Variants in GPC6 observed in about 807,000 individuals in gnomAD.
GPC6 encodes the protein glypican-6.
In GPC6, 14 loss-of-function variants were observed where a neutral mutation model predicts 55.2. The observed-to-expected ratio is 0.25, with a 90% confidence interval of 0.17 to 0.40. The LOEUF (loss-of-function observed/expected upper bound fraction) is 0.40, where lower values mean the gene tolerates loss of function less well. GPC6 is among the 10% of genes least tolerant of loss of function. The pLI is 1.00. For synonymous variants in GPC6, 278 were observed against 259.6 expected (o/e 1.07, Z -0.68); for missense variants, 641 against 708.5 (o/e 0.90, Z 1.08).
chr13:93,970,307 C>T (rs1007508611), intron 3 of GPC6, among the ~76,000 whole-genome samples: 12 of 152,024 alleles, frequency 7.9e-5, no homozygotes, highest in African/African-American at 2.7e-4. Flanking sequence ...TATGCATAGA[C>T]AAACAAAACC....
intron 1 of GPC6, among the ~76,000 whole-genome samples, chr13:93,390,010 G>A (rs932645068): frequency 3.3e-5 from 5 of 150,768 alleles, no homozygotes; most frequent in Non-Finnish European, 5.9e-5. Context: ...TAACATTATG[G>A]AAAGAGAGAC....
chr13:94,318,733 G>A (rs930858347), intron 6 of GPC6, among the ~76,000 whole-genome samples: 5 of 152,024 alleles, frequency 3.3e-5, no homozygotes, highest in African/African-American at 1.2e-4. Context: ...AATATTAAAT[G>A]GAAAATTCTA....
chr13:93,448,657 C>T (rs375536910), intron 1 of GPC6, among the ~76,000 whole-genome samples: 39 of 152,264 alleles, frequency 2.6e-4, no homozygotes, highest in African/African-American at 7.5e-4. Flanking sequence ...GACTGAGTAA[C>T]GTAATCTGGA....
intron 8 of GPC6, among the ~76,000 whole-genome samples, chr13:94,401,876 G>A (rs1180422028): frequency 6.6e-6 from 1 of 152,078 alleles, no homozygotes; most frequent in Non-Finnish European, 1.5e-5. Context: ...GGGCTGCAGT[G>A]AGTTATGATG....
intron 4 of GPC6, among the ~76,000 whole-genome samples, chr13:94,199,279 T>C (rs1469150627): frequency 6.6e-6 from 1 of 152,236 alleles, no homozygotes; most frequent in Non-Finnish European, 1.5e-5. Flanking sequence ...TCATTGACTC[T>C]TTTTATTAGT....
chr13:93,893,498 A>G lies in GPC6; in HGVS notation c.711+62953A>G, dbSNP rs1031203328. 2.0e-5 allele frequency among the ~76,000 whole-genome samples: 3 copies of G among 152,190 alleles called. No homozygotes were observed. In the East Asian group the frequency reaches 5.8e-4, roughly 29 times the overall value. On this transcript the variant is annotated intron_variant, in intron 3 of 8. Transcript: ENST00000377047. The stretch of plus-strand genomic sequence containing the variant: ...TTGTAATAGAAAATTAAAGGAATAC[A>G]GGCCTGGGATTACAGACATGAGCCA...
intron 4 of GPC6, among the ~76,000 whole-genome samples, chr13:94,258,927 AG>A (rs1487112399): frequency 3.9e-5 from 6 of 152,174 alleles, no homozygotes; most frequent in African/African-American, 1.4e-4. Flanking sequence ...AGATGTAACA[AG>A]GGTGGGGCAG....
intron 5 of GPC6, among the ~76,000 whole-genome samples, chr13:94,302,045 G>A (rs1875677962): frequency 6.6e-6 from 1 of 152,186 alleles, no homozygotes; most frequent in South Asian, 2.1e-4. Flanking sequence ...AGAAAATTGA[G>A]ACGGTCCAAA....
At chr13:94,145,360 A>G (rs2138886819) in intron 4 of GPC6, among the ~76,000 whole-genome samples, 1 of 152,282 alleles carries the variant, frequency 6.6e-6, no homozygotes, top group Non-Finnish European at 1.5e-5. Flanking sequence ...TTATATCCTT[A>G]TCCATTAGGC....
chr13:94,182,169 A>G (rs1271668302), intron 4 of GPC6, among the ~76,000 whole-genome samples: 1 of 152,148 alleles, frequency 6.6e-6, no homozygotes, highest in Non-Finnish European at 1.5e-5. Context: ...ACTTGCTGAA[A>G]CAGGGATACA....
At chr13:94,088,950 T>G (rs1308558520) in intron 4 of GPC6, among the ~76,000 whole-genome samples, 21 of 152,158 alleles carry the variant, frequency 1.4e-4, no homozygotes. Flanking sequence ...TTGTCGTAAT[T>G]GATGAGATTA....
At chr13:94,009,699 A>G (rs556685630) in intron 3 of GPC6, among the ~76,000 whole-genome samples, 3 of 152,258 alleles carry the variant, frequency 2.0e-5, no homozygotes, top group Admixed American at 2.0e-4. Flanking sequence ...ACAGAACCAT[A>G]TGTCTGTATT....
intron 4 of GPC6, among the ~76,000 whole-genome samples, chr13:94,266,656 T>G (rs577627925): frequency 1.1e-4 from 17 of 152,222 alleles, no homozygotes; most frequent in Admixed American, 3.9e-4. Flanking sequence ...ACTTAAATGC[T>G]CTTTCTTCAA....
At chr13:94,117,486 A>G (rs9556357) in intron 4 of GPC6, among the ~76,000 whole-genome samples, 1 of 152,270 alleles carries the variant, frequency 6.6e-6, no homozygotes, top group East Asian at 1.9e-4. Flanking sequence ...TATAGGGCTT[A>G]GAGAACAATT....
intron 6 of GPC6, among the ~76,000 whole-genome samples, chr13:94,363,887 T>C (rs552577050): frequency 6.6e-6 from 1 of 152,310 alleles, no homozygotes; most frequent in East Asian, 1.9e-4. Flanking sequence ...AAATACAAAC[T>C]AGGCTTTAAA....
rs765151909 is a variant in GPC6, at chr13:93,275,999, C to T, written c.160+48383C>T. On this transcript the variant is annotated intron_variant, in intron 1 of 8. Coordinates refer to ENST00000377047, the MANE Select transcript of GPC6 (RefSeq NM_005708.5). ...ACGCCATTCTCCTGCCTCAGCCTCCCGAGTAGCTGGGACTACAGGCGCCCG... is the reference window on the plus strand; with the variant it reads ...ACGCCATTCTCCTGCCTCAGCCTCCTGAGTAGCTGGGACTACAGGCGCCCG... Among the ~76,000 whole-genome samples the T allele has an allele frequency of 5.3e-5, 8 of 152,186 alleles. No individual in the cohort carries two copies. The South Asian group carries it at 8.3e-4, about 16-fold the overall frequency.
At chr13:93,245,271 G>C (rs1244694144) in intron 1 of GPC6, among the ~76,000 whole-genome samples, 1 of 152,148 alleles carries the variant, frequency 6.6e-6, no homozygotes, top group Admixed American at 6.5e-5. Flanking sequence ...ATCTATACTT[G>C]AGCACCGTTA....
intron 7 of GPC6, among the ~76,000 whole-genome samples, chr13:94,391,425 C>T (rs955700623): frequency 2.0e-5 from 3 of 152,084 alleles, no homozygotes; most frequent in African/African-American, 2.4e-5. Flanking sequence ...TGCGCTTAAC[C>T]GTATTTTGAT....
At chr13:93,291,882 G>A (rs561837384) in intron 1 of GPC6, among the ~76,000 whole-genome samples, 16 of 151,998 alleles carry the variant, frequency 1.1e-4, no homozygotes, top group East Asian at 3.9e-4. Context: ...CCTGTTCAGC[G>A]TTTGTATATT....
Sources: allele counts gnomAD v4.1 joint callset (sites outside exome capture counted in the v4.1 genomes callset), GRCh38; gene constraint gnomAD v4.1.1; transcripts MANE v1.5; gene names NCBI Gene and HGNC (gene_info 2026-07-23, HGNC 2026-07-21).